LAMA1: variants seen among roughly 807,000 people sequenced by gnomAD.
LAMA1 encodes laminin subunit alpha-1.
In LAMA1, 219 loss-of-function variants were observed where a neutral mutation model predicts 348.7. That is an observed-to-expected ratio of 0.63 (90% confidence interval 0.56 to 0.70). The LOEUF (loss-of-function observed/expected upper bound fraction) is 0.70, where lower values mean the gene tolerates loss of function less well. Ranked by LOEUF, LAMA1 falls within the 30% of genes least tolerant of loss-of-function variation. LAMA1 has a pLI of 0.00. For missense variants in LAMA1, 3,744 were observed against 3,888.0 expected (o/e 0.96, Z 0.99); for synonymous variants, 1,487 against 1,491.0 (o/e 1.00, Z 0.06).
At chr18:7,047,376 T>C (rs1224906583) in intron 5 of LAMA1, among the ~76,000 whole-genome samples, 2 of 152,272 alleles carry the variant, frequency 1.3e-5, no homozygotes, top group South Asian at 2.1e-4. Context: ...TTGAGCATTA[T>C]TGAACAAGAC....
intron 3 of LAMA1, among the ~76,000 whole-genome samples, chr18:7,056,113 G>C (rs993979599): frequency 1.3e-5 from 2 of 151,876 alleles, no homozygotes; most frequent in South Asian, 4.2e-4. Context: ...TAATGTGTTC[G>C]GGGCTTTGAC....
At chr18:6,946,591 C>T (rs537974111) in intron 61 of LAMA1, among the ~76,000 whole-genome samples, 7 of 152,112 alleles carry the variant, frequency 4.6e-5, no homozygotes, top group East Asian at 1.9e-4. Context: ...TGGTGGTGCA[C>T]GCCTGTAATC....
Position 6,974,969 on chromosome 18 carries a change from G to A in LAMA1, c.6557C>T (p.Ser2186Phe). The change falls in exon 46 of 63, where the codon TCC becomes TTC. Residue 2186 changes from serine (S) to phenylalanine (F), a missense_variant. Transcript: ENST00000389658. Reference protein sequence around the residue: ...VAFLWDLGSGSTRLEFPDFPI... With the variant: ...VAFLWDLGSGFTRLEFPDFPI... The stretch of plus-strand genomic sequence containing the variant: ...AAAGTCTGGAAACTCCAAGCGTGTG[G>A]ACCCGGAGCCCAGGTCCCACAGGAA... 1 of 1,613,992 alleles carries A rather than the reference G, an allele frequency of 6.2e-7. No homozygotes were observed. The highest frequency in any genetic ancestry group is 8.5e-7 in the Non-Finnish European group (1 of 1,180,002).
Position 6,966,209 on chromosome 18 carries a change from T to C in LAMA1, c.6988A>G (p.Ile2330Val). 1 of 1,613,994 alleles carries C rather than the reference T, an allele frequency of 6.2e-7. No homozygotes were observed. The highest frequency in any genetic ancestry group is 1.1e-5 in the South Asian group (1 of 91,012). ...GGTGAAAAGGTATTAAAAAGCATGA[T>C]TATCTGGGTCACGGTAGCCGGAAGT... ...KSLPATVTQI[I>V]MLFNTFSPNG... is the part of the protein sequence containing the mutation. The change falls in exon 49 of 63, where the codon ATC becomes GTC. Residue 2330 changes from isoleucine to valine, a missense_variant. Around this residue, in one of 3 missense-constraint regions of LAMA1, gnomAD observed 1,983 missense variants for 1,934.3 expected, o/e 1.03. Transcript: ENST00000389658.
chr18:6,974,233 A>T (rs992781084), intron 46 of LAMA1, among the ~76,000 whole-genome samples: 3 of 152,050 alleles, frequency 2.0e-5, no homozygotes, highest in Non-Finnish European at 4.4e-5. Flanking sequence ...TTTTAAAAAA[A>T]TTTTTTGAAT....
chr18:7,057,979 T>C (rs1460859861), intron 3 of LAMA1, among the ~76,000 whole-genome samples: 24 of 151,546 alleles, frequency 1.6e-4, no homozygotes. Context: ...TAATTTTTTT[T>C]TTTTAGTAGA....
rs531829491 is a variant in LAMA1 at position 7,085,575 on chromosome 18, A to C, written c.62-5118T>G. 1.1e-3 allele frequency among the ~76,000 whole-genome samples: 170 copies of C among 151,118 alleles called. 1 individual carries two copies. The highest frequency in any genetic ancestry group is 2.0e-3 in the East Asian group (10 of 5,124). On this transcript the variant is annotated intron_variant, in intron 1 of 62. Coordinates refer to ENST00000389658, the MANE Select transcript of LAMA1 (RefSeq NM_005559.4). The stretch of plus-strand genomic sequence containing the variant: ...CTGGGACTATAGGCACCCGCCACCA[A>C]GCCCGGCTAATTTTTTGTATTTTTA...
Position 7,044,681 on chromosome 18 carries a change from G to C in LAMA1, c.976+41C>G. 5 of 1,473,354 alleles carry C rather than the reference G, an allele frequency of 3.4e-6. No homozygotes were observed. The African/African-American group carries it at 5.5e-5, about 16-fold the overall frequency. The allele number at this position is 1,473,354 out of a possible 1,614,324, so 91.3% of individuals were successfully genotyped here. A position where few individuals can be genotyped will look rare whatever the true frequency, so the allele number is the denominator to read the frequency against. On this transcript the variant is annotated intron_variant, in intron 7 of 62. Transcript: ENST00000389658. ...ACACCATAAACTTGGGACGTATTAA[G>C]AGGAAAACTGTACTGACCTTCAGAT...
chr18:7,103,902 T>C (rs1475424674), intron 1 of LAMA1, among the ~76,000 whole-genome samples: 1 of 152,106 alleles, frequency 6.6e-6, no homozygotes, highest in African/African-American at 2.4e-5. Flanking sequence ...CAGCGGATCT[T>C]CGCTCTGCTT....
At chr18:7,007,736 T>G (rs12953576) in intron 28 of LAMA1, among the ~76,000 whole-genome samples, 9,469 of 151,116 alleles carry the variant, frequency 0.063, 408 homozygotes, top group African/African-American at 0.12. Context: ...GCCACCCAAG[T>G]TTATTCACTG....
rs571905613 is a variant in LAMA1, at chr18:6,948,518, C to A, written c.8595G>T (p.Thr2865=). The part of the protein sequence containing the change: ...HSIPACIGDV[T]VNSKQLDKDS... Reference sequence around the variant, plus strand: ...CCTTGTCCAGCTGTTTGCTGTTAACCGTCACATCCCCAATGCAGGCAGGGA... The same window carrying A: ...CCTTGTCCAGCTGTTTGCTGTTAACAGTCACATCCCCAATGCAGGCAGGGA... The change falls in exon 60 of 63, where the codon ACG becomes ACT. Residue 2865 remains threonine (T), a synonymous_variant. Transcript: ENST00000389658. 3 of 1,614,180 alleles carry A rather than the reference C, an allele frequency of 1.9e-6. No individual in the cohort carries two copies. In the Admixed American group the frequency reaches 5.0e-5, roughly 27 times the overall value.
chr18:6,974,291 G>T (rs945539882), intron 46 of LAMA1, among the ~76,000 whole-genome samples: 8 of 151,856 alleles, frequency 5.3e-5, no homozygotes, highest in Admixed American at 3.9e-4. Flanking sequence ...TACTTCTGAG[G>T]TGCAAAATGT....
At chr18:7,088,035 TAGA>T (rs1442857416) in intron 1 of LAMA1, among the ~76,000 whole-genome samples, 8 of 152,322 alleles carry the variant, frequency 5.3e-5, no homozygotes, top group East Asian at 3.9e-4. Context: ...TCTTAAGTTT[TAGA>T]AGAAGAAGTG....
chr18:7,055,711 G>A (rs1039315029), intron 3 of LAMA1, among the ~76,000 whole-genome samples: 1 of 152,136 alleles, frequency 6.6e-6, no homozygotes, highest in Non-Finnish European at 1.5e-5. Flanking sequence ...TGATTTCAGT[G>A]TGTCAGATGT....
chr18:7,057,532 T>C (rs2058087018), intron 3 of LAMA1, among the ~76,000 whole-genome samples: 1 of 144,656 alleles, frequency 6.9e-6, no homozygotes, highest in African/African-American at 2.5e-5. Context: ...TGGAGTGCAA[T>C]GGCGTGGTCA....
At chr18:7,046,725 T>G (rs543204126) in intron 5 of LAMA1, among the ~76,000 whole-genome samples, 41 of 152,170 alleles carry the variant, frequency 2.7e-4, no homozygotes, top group Non-Finnish European at 1.2e-4. Context: ...TACCCTAGAA[T>G]GCAAAGTTAA....
At chr18:7,027,201 T>G (rs1018637867) in intron 16 of LAMA1, among the ~76,000 whole-genome samples, 2 of 152,082 alleles carry the variant, frequency 1.3e-5, no homozygotes, top group African/African-American at 2.4e-5. Context: ...TTAGAAAAAG[T>G]AGAGTACCAG....
At position 6,959,666 on chromosome 18, in the gene LAMA1, G is replaced by A. The variant is rs548862190; in HGVS notation, c.7627-174C>T. On this transcript the variant is annotated intron_variant, in intron 53 of 62. Transcript: ENST00000389658. ...TTTTGTATGTTACTTTCTAATCTCT[G>A]TTCATATAATTTATATTCTGCATTA... The A allele has an allele frequency of 2.6e-5, 18 of 696,814 alleles. No homozygotes were observed. In the East Asian group the frequency reaches 4.6e-4, roughly 18 times the overall value. 43.2% of individuals were successfully genotyped at this position (696,814 alleles called of 1,614,324 possible). A position where few individuals can be genotyped will look rare whatever the true frequency, so the allele number is the denominator to read the frequency against.
rs1311173938 is a variant in LAMA1, at chr18:7,000,032, T to C, written c.4383-35A>G. On this transcript the variant is annotated intron_variant, in intron 30 of 62. Transcript: ENST00000389658. ...AAGAATTTCTTTTTGAATTTTCAGA[T>C]ATACAATTTCCATCTTTCCTTAAGG... The C allele has an allele frequency of 4.7e-6, 7 of 1,476,798 alleles. No homozygotes were observed. The Admixed American group carries it at 6.8e-5, about 14-fold the overall frequency. 91.5% of individuals were successfully genotyped at this position (1,476,798 alleles called of 1,614,324 possible). A position where few individuals can be genotyped will look rare whatever the true frequency, so the allele number is the denominator to read the frequency against.
Sources: allele counts gnomAD v4.1 joint callset (sites outside exome capture counted in the v4.1 genomes callset), GRCh38; gene constraint gnomAD v4.1.1; regional missense constraint gnomAD v4.1.1; transcripts MANE v1.5; gene names NCBI Gene and HGNC (gene_info 2026-07-23, HGNC 2026-07-21).